Variants in ITGB2 observed in about 807,000 individuals in gnomAD.
ITGB2 encodes the protein integrin subunit beta 2.
Under a neutral mutation model 86.8 loss-of-function variants are expected in ITGB2, and 56 were observed. The ratio of observed to expected loss-of-function variants is 0.65; its 90% CI spans 0.52 to 0.81. The LOEUF (loss-of-function observed/expected upper bound fraction) is 0.81. ITGB2 is among the 30% of genes least tolerant of loss of function. The pLI is 0.00. For synonymous variants in ITGB2, 457 were observed against 450.4 expected, an observed-to-expected ratio of 1.01 and a Z score of -0.19; for missense variants, 948 against 1,061.2, an observed-to-expected ratio of 0.89 and a Z score of 1.48.
Position 44,906,897 on chromosome 21 carries a change from C to A in ITGB2, c.328+18G>T, listed in dbSNP as rs1483179944. 6.2e-7 allele frequency: 1 copy of A among 1,613,984 alleles called. No individual in the cohort carries two copies. The highest frequency in any genetic ancestry group is 8.5e-7 in the Non-Finnish European group (1 of 1,179,804). ...CAGCACAGACGGTGCCTGGCACCAC[C>A]ACCGAGGCCAAGCCTACCTGGTCGC... On this transcript the variant is annotated intron_variant, in intron 4 of 15. Coordinates refer to ENST00000652462, the MANE Select transcript of ITGB2 (RefSeq NM_000211.5).
At chr21:44,902,751 C>T (rs1475084942) in intron 5 of ITGB2, among the ~76,000 whole-genome samples, 2 of 151,652 alleles carry the variant, frequency 1.3e-5, no homozygotes, top group South Asian at 4.2e-4. Flanking sequence ...AGCGTGCATT[C>T]ACGTGCATGA....
intron 9 of ITGB2, chr21:44,894,375 CCAGAGCAG>C: frequency 5.9e-6 from 1 of 169,054 alleles, no homozygotes; most frequent in Admixed American, 5.4e-5. Context: ...GGGTAGATTT[CCAGAGCAG>C]TCGGGACCTC....
intron 8 of ITGB2, among the ~76,000 whole-genome samples, chr21:44,898,056 G>GT (rs34404406): frequency 0.22 from 32,749 of 152,130 alleles, 3,638 homozygotes; most frequent in East Asian, 0.25. Context: ...CGATGGGGGT[G>GT]TCATTGTTCC....
intron 1 of ITGB2, among the ~76,000 whole-genome samples, chr21:44,918,980 A>C (rs1329507300): frequency 3.9e-5 from 6 of 152,118 alleles, no homozygotes; most frequent in African/African-American, 7.2e-5. Flanking sequence ...CCCCTCTCCC[A>C]GCACTCGGAG....
chr21:44,924,734 C>G (rs148957408), upstream of ITGB2, among the ~76,000 whole-genome samples: 1 of 152,138 alleles, frequency 6.6e-6, no homozygotes, highest in Non-Finnish European at 1.5e-5. Flanking sequence ...TAGCCTAGAT[C>G]ACATACATCC....
chr21:44,911,348 C>T (rs756389833), intron 1 of ITGB2: 5 of 167,140 alleles, frequency 3.0e-5, no homozygotes, highest in Non-Finnish European at 5.2e-5. Context: ...CAAATGTACA[C>T]GCACACAAAC....
At chr21:44,923,250 C>G (rs147344814), upstream of ITGB2, among the ~76,000 whole-genome samples, 2 of 152,110 alleles carry the variant, frequency 1.3e-5, no homozygotes, top group African/African-American at 4.8e-5. Context: ...AGAGGAGAGA[C>G]GAAGGGAGAG....
intron 9 of ITGB2, chr21:44,894,000 GAGAC>G (rs1253853335): frequency 1.0e-5 from 3 of 289,338 alleles, no homozygotes; most frequent in African/African-American, 2.2e-5. Context: ...GAGACAGAGA[GAGAC>G]AGACAGAGAG....
At chr21:44,887,643 C>T (rs2083718860) in intron 14 of ITGB2, among the ~76,000 whole-genome samples, 1 of 152,214 alleles carries the variant, frequency 6.6e-6, no homozygotes, top group Non-Finnish European at 1.5e-5. Flanking sequence ...CCCGTGCCCC[C>T]TCCTGCCATC....
intron 11 of ITGB2, among the ~76,000 whole-genome samples, 157 bp from the exon 12 acceptor site, chr21:44,890,379 T>C (rs542027468): frequency 6.6e-6 from 1 of 152,312 alleles, no homozygotes; most frequent in South Asian, 2.1e-4. Flanking sequence ...ACGGACTAAA[T>C]GTGCTCAAAA....
At chr21:44,893,619 AC>A in intron 9 of ITGB2, 75 bp from the exon 10 acceptor site, 1 of 1,574,284 alleles carries the variant, frequency 6.4e-7, no homozygotes, top group Non-Finnish European at 8.7e-7. Flanking sequence ...AGCGGTTTAG[AC>A]CCGTCTCCAC....
chr21:44,925,249 G>A (rs551756043), upstream of ITGB2, among the ~76,000 whole-genome samples: 2 of 151,998 alleles, frequency 1.3e-5, no homozygotes, highest in East Asian at 3.9e-4. Flanking sequence ...GCACAATTCC[G>A]TAAATTTTCT....
intron 10 of ITGB2, among the ~76,000 whole-genome samples, chr21:44,892,624 A>AAAAAAAAAAC: frequency 6.6e-6 from 1 of 151,578 alleles, no homozygotes; most frequent in Non-Finnish European, 1.5e-5. Context: ...AAAAAAAAAA[A>AAAAAAAAAAC]AAATCCACAG....
At chr21:44,914,682 A>G (rs1386930608) in intron 1 of ITGB2, among the ~76,000 whole-genome samples, 1 of 152,218 alleles carries the variant, frequency 6.6e-6, no homozygotes, top group Non-Finnish European at 1.5e-5. Context: ...CAGTGTTTTG[A>G]GAGGCCAAGG....
At position 44,900,356 on chromosome 21, in the gene ITGB2, G is replaced by C; in HGVS notation, c.861C>G (p.His287Gln). 1.2e-6 allele frequency: 2 copies of C among 1,614,200 alleles called. No homozygotes were observed. The highest frequency in any genetic ancestry group is 1.7e-6 in the Non-Finnish European group (2 of 1,180,028). Residue 287 changes from histidine (H) to glutamine (Q), a missense_variant, in exon 7 of 16, where the codon CAC becomes CAG. Coordinates refer to ENST00000652462, the MANE Select transcript of ITGB2 (RefSeq NM_000211.5). ...TCCTCTTGTACAAGTTGTCCTCCAG[G>C]TGACAGCGGCCGTCGTTGGGGGTCA... ...AILTPNDGRC[H>Q]LEDNLYKRSN... is the part of the protein sequence containing the mutation.
intron 15 of ITGB2, 133 bp downstream of exon 15, chr21:44,886,603 C>T: frequency 1.4e-6 from 2 of 1,459,330 alleles, no homozygotes; most frequent in East Asian, 4.6e-5. Flanking sequence ...GCGGCGGACG[C>T]CCAGAGGACA....
At chr21:44,928,631 TGGGTC>T (rs944236171) in intron 1 of ITGB2, 1 of 139,026 alleles carries the variant, frequency 7.2e-6, no homozygotes, top group African/African-American at 2.7e-5. Flanking sequence ...CGGGTCGGGT[TGGGTC>T]GGGTGGGTGC....
rs2084285419 is a variant in ITGB2 at position 44,920,412 on chromosome 21, A to G, written c.-4+409T>C. Among the ~76,000 whole-genome samples, 4 of 152,164 alleles carry G rather than the reference A, an allele frequency of 2.6e-5. No homozygotes were observed. The South Asian group carries it at 6.2e-4, about 24-fold the overall frequency. ...TGTAGCCAGGCGGGGCAGCATGCAGACAGGAGGGCCTAACACAGGCAGGCG... is the reference window on the plus strand; with the variant it reads ...TGTAGCCAGGCGGGGCAGCATGCAGGCAGGAGGGCCTAACACAGGCAGGCG... On this transcript the variant is annotated intron_variant, in intron 1 of 15. Transcript: ENST00000652462.
intron 1 of ITGB2, among the ~76,000 whole-genome samples, chr21:44,914,887 G>A (rs2084181486): frequency 6.6e-6 from 1 of 152,044 alleles, no homozygotes; most frequent in African/African-American, 2.4e-5. Flanking sequence ...GAACCCTAAT[G>A]GCACTGCTGA....
Sources: allele counts gnomAD v4.1 joint callset (sites outside exome capture counted in the v4.1 genomes callset), GRCh38; gene constraint gnomAD v4.1.1; transcripts MANE v1.5; gene names NCBI Gene and HGNC (gene_info 2026-07-23, HGNC 2026-07-21).